ARHGAP17: variants seen among roughly 807,000 people sequenced by gnomAD.
ARHGAP17 encodes the protein Rho GTPase activating protein 17.
Under a neutral mutation model 99.5 loss-of-function variants are expected in ARHGAP17, and 57 were observed. That is an observed-to-expected ratio of 0.57 (90% CI 0.46 to 0.71). The LOEUF is 0.71. Ranked by LOEUF, ARHGAP17 falls within the 30% of genes least tolerant of loss-of-function variation. The pLI, the probability that ARHGAP17 is intolerant of heterozygous loss-of-function variation, is 0.00. For missense variants in ARHGAP17, 1,000 were observed against 1,122.4 expected, an observed-to-expected ratio of 0.89 and a Z score of 1.56; for synonymous variants, 417 against 429.6, an observed-to-expected ratio of 0.97 and a Z score of 0.36.
At chr16:24,927,241 A>G (rs2050867098) in intron 19 of ARHGAP17, among the ~76,000 whole-genome samples, 1 of 152,220 alleles carries the variant, frequency 6.6e-6, no homozygotes, top group Admixed American at 6.5e-5. Context: ...TATATTAAGA[A>G]CTGTAACTGG....
chr16:24,930,282 G>A (rs964180825), intron 19 of ARHGAP17, among the ~76,000 whole-genome samples: 1 of 152,120 alleles, frequency 6.6e-6, no homozygotes, highest in East Asian at 1.9e-4. Context: ...GTTTTTTAAA[G>A]TTATACCTGA....
intron 1 of ARHGAP17, among the ~76,000 whole-genome samples, chr16:25,014,837 T>C (rs1385207733): frequency 2.0e-5 from 3 of 152,322 alleles, no homozygotes; most frequent in Admixed American, 2.0e-4. Context: ...GTCACCGTTG[T>C]TGAGCCCAGG....
chr16:24,931,808 G>A (rs2050999920), intron 18 of ARHGAP17, among the ~76,000 whole-genome samples: 1 of 152,164 alleles, frequency 6.6e-6, no homozygotes. Flanking sequence ...TGAACAAAAT[G>A]TGGAGTCTAG....
intron 11 of ARHGAP17, 150 bp from the exon 12 acceptor site, chr16:24,952,520 A>T: frequency 1.8e-6 from 1 of 559,908 alleles, no homozygotes; most frequent in Non-Finnish European, 3.0e-6. Context: ...TTAGAGACTA[A>T]AATGTTCATA....
chr16:24,949,908 G>A (rs2051584080), intron 12 of ARHGAP17, among the ~76,000 whole-genome samples: 1 of 152,142 alleles, frequency 6.6e-6, no homozygotes. Context: ...CAGACCTCTG[G>A]GTCTTTCCTC....
intron 19 of ARHGAP17, chr16:24,929,495 G>T: frequency 1.4e-6 from 1 of 692,072 alleles, no homozygotes; most frequent in Non-Finnish European, 1.8e-6. Context: ...CAGGGCACAC[G>T]GTCAAACGGC....
intron 16 of ARHGAP17, among the ~76,000 whole-genome samples, chr16:24,940,574 G>A (rs1311680354): frequency 2.0e-5 from 3 of 152,128 alleles, no homozygotes; most frequent in African/African-American, 4.8e-5. Flanking sequence ...GGTGGTGCGT[G>A]CCTATAGTCC....
At position 24,954,741 on chromosome 16, in the gene ARHGAP17, A is replaced by T. The variant is rs771538997; in HGVS notation, c.725-11T>A. 13 of 1,613,238 alleles carry T rather than the reference A, an allele frequency of 8.1e-6. No individual in the cohort carries two copies. Among genetic ancestry groups the T allele is most frequent in the Non-Finnish European group, 1.1e-5 (13 of 1,179,610 alleles). On this transcript the variant is annotated splice_polypyrimidine_tract_variant and intron_variant, in intron 9 of 19. Coordinates refer to ENST00000289968, the MANE Select transcript of ARHGAP17 (RefSeq NM_001006634.3). Reference sequence around the variant, plus strand: ...TTTCCGCCCACTTATCTAGAGCAGCAAATTGTTCAGTTAGACACCCAACAA... The same window carrying T: ...TTTCCGCCCACTTATCTAGAGCAGCTAATTGTTCAGTTAGACACCCAACAA...
intron 7 of ARHGAP17, among the ~76,000 whole-genome samples, chr16:24,961,825 C>T (rs1265259045): frequency 6.7e-6 from 1 of 150,124 alleles, no homozygotes; most frequent in African/African-American, 2.4e-5. Context: ...TGAGCCACTG[C>T]ACCTGGCCAA....
intron 1 of ARHGAP17, among the ~76,000 whole-genome samples, chr16:24,982,986 ATATATATATATTTTTTTTT>A (rs1355204031): frequency 8.3e-4 from 24 of 28,946 alleles, no homozygotes; most frequent in African/African-American, 3.1e-3. Context: ...ATATATATAT[ATATATATATATTTTTTTTT>A]TTTTTTTTTT....
At chr16:24,989,050 G>T (rs531136909) in intron 1 of ARHGAP17, among the ~76,000 whole-genome samples, 2 of 152,354 alleles carry the variant, frequency 1.3e-5, no homozygotes, top group East Asian at 3.9e-4. Context: ...AGCTCAGGAG[G>T]AGTCCAGTTT....
intron 11 of ARHGAP17, among the ~76,000 whole-genome samples, chr16:24,952,718 T>C (rs4787658): frequency 0.25 from 37,543 of 152,120 alleles, 9,435 homozygotes; most frequent in African/African-American, 0.65. Context: ...CTACTCTCTC[T>C]TTTAATCATC....
At chr16:24,992,458 C>T (rs969703120) in intron 1 of ARHGAP17, among the ~76,000 whole-genome samples, 4 of 152,132 alleles carry the variant, frequency 2.6e-5, no homozygotes, top group African/African-American at 9.7e-5. Context: ...GCCTCAGCCT[C>T]CCGAGTAGCT....
Position 24,977,224 on chromosome 16 carries a change from C to A in ARHGAP17, c.189G>T (p.Glu63Asp). The stretch of plus-strand genomic sequence containing the variant: ...CACATCTGATACTCACGTGTCTCCT[C>A]TCGGCATCGGTGCCATGCTGGCCCT... Reference protein sequence around the residue: ...CFQGQHGTDAERRHKKLPLTA... With the variant: ...CFQGQHGTDADRRHKKLPLTA... The change falls in exon 3 of 20, where the codon GAG becomes GAT. Residue 63 changes from glutamate to aspartate, a missense_variant. Coordinates refer to ENST00000289968, the MANE Select transcript of ARHGAP17 (RefSeq NM_001006634.3). The A allele has an allele frequency of 6.3e-7, 1 of 1,582,036 alleles. No homozygotes were observed. Among genetic ancestry groups the A allele is most frequent in the East Asian group, 2.3e-5 (1 of 43,990 alleles).
At chr16:24,978,132 G>A (rs116260131) in intron 2 of ARHGAP17, among the ~76,000 whole-genome samples, 3,492 of 152,268 alleles carry the variant, frequency 0.023, 115 homozygotes, top group African/African-American at 0.077. Flanking sequence ...GCAATGACCA[G>A]ATTTTCAAAC....
chr16:24,928,329 T>C (rs569530945), intron 19 of ARHGAP17, among the ~76,000 whole-genome samples: 32 of 152,340 alleles, frequency 2.1e-4, no homozygotes, highest in African/African-American at 7.5e-4. Context: ...TTAGGAGAAT[T>C]CATAGCATAG....
intron 12 of ARHGAP17, among the ~76,000 whole-genome samples, chr16:24,950,217 G>C (rs990526997): frequency 6.6e-6 from 1 of 152,140 alleles, no homozygotes; most frequent in Non-Finnish European, 1.5e-5. Flanking sequence ...TACTGGGATG[G>C]AAGCCCACCC....
chr16:24,995,481 T>C (rs562279482), intron 1 of ARHGAP17, among the ~76,000 whole-genome samples: 1 of 152,200 alleles, frequency 6.6e-6, no homozygotes, highest in East Asian at 1.9e-4. Context: ...CAGAGGCAGG[T>C]GACATGGCTG....
intron 9 of ARHGAP17, chr16:24,957,282 G>A (rs780852084): frequency 6.6e-6 from 1 of 152,300 alleles, no homozygotes; most frequent in South Asian, 2.1e-4. Context: ...AGTTTAAGGT[G>A]AGTGCTGTTC....
Sources: allele counts gnomAD v4.1 joint callset (sites outside exome capture counted in the v4.1 genomes callset), GRCh38; gene constraint gnomAD v4.1.1; transcripts MANE v1.5; gene names NCBI Gene and HGNC (gene_info 2026-07-23, HGNC 2026-07-21).